STK3: variants seen among roughly 807,000 people sequenced by gnomAD.
STK3 encodes serine/threonine-protein kinase 3.
Under a neutral mutation model 58.0 loss-of-function variants are expected in STK3, and 41 were observed. The observed-to-expected ratio is 0.71, with a 90% CI of 0.55 to 0.92. The LOEUF is 0.92. Among genes scored for constraint, STK3 ranks in the 40% least tolerant of loss-of-function variants. The pLI is 0.00. For missense variants in STK3, 479 were observed against 602.7 expected (o/e 0.79, Z 2.15); for synonymous variants, 170 against 191.0 (o/e 0.89, Z 0.91).
chr8:98,543,798 A>G (rs868116525), intron 9 of STK3, among the ~76,000 whole-genome samples: 1 of 152,130 alleles, frequency 6.6e-6, no homozygotes, highest in Non-Finnish European at 1.5e-5. Flanking sequence ...TGAGGGCCCA[A>G]ATGGGGGAGA....
At chr8:98,577,834 C>G (rs1297165536) in intron 8 of STK3, among the ~76,000 whole-genome samples, 1 of 151,986 alleles carries the variant, frequency 6.6e-6, no homozygotes, top group Non-Finnish European at 1.5e-5. Context: ...ATATTTAAAG[C>G]TGAGACTCAA....
chr8:98,413,733 AC>A, intron 3 of STK3: 1 of 818,872 alleles, frequency 1.2e-6, no homozygotes. Flanking sequence ...AAGAGTTGGC[AC>A]CTTGGTCAGG....
Position 98,428,346 on chromosome 8 carries a change from T to C in STK3, n.483+5781A>G. The C allele has an allele frequency of 6.2e-7, 1 of 1,614,140 alleles. No homozygotes were observed. Among genetic ancestry groups the C allele is most frequent in the African/African-American group, 1.3e-5 (1 of 75,030 alleles). On this transcript the variant is annotated intron_variant and non_coding_transcript_variant, in intron 3 of 3. Transcript: ENST00000517832. The surrounding 1 kb of genome is among the most constrained non-coding windows in gnomAD (Gnocchi z 6.7). Reference sequence around the variant, plus strand: ...CATTGACTCCTGCTGCAGCTACAGCTACCATGGCCGCAAAGTAGAGCCCGA... The same window carrying C: ...CATTGACTCCTGCTGCAGCTACAGCCACCATGGCCGCAAAGTAGAGCCCGA...
downstream of STK3, chr8:98,883,576 A>G (rs148210082): frequency 4.9e-4 from 322 of 654,908 alleles, 1 homozygote; most frequent in East Asian, 8.3e-3. Context: ...AGGACAATAA[A>G]CATCTAAAGG....
At chr8:98,799,532 AC>A (rs1833382731) in intron 1 of STK3, among the ~76,000 whole-genome samples, 1 of 152,172 alleles carries the variant, frequency 6.6e-6, no homozygotes, top group Admixed American at 6.5e-5. Flanking sequence ...GGTTCTGTCT[AC>A]CCAGCCAAGG....
the STK3 span, among the ~76,000 whole-genome samples, chr8:98,346,017 T>TG: frequency 1.3e-4 from 19 of 151,960 alleles, no homozygotes; most frequent in African/African-American, 4.6e-4. Context: ...GCATGGTGGG[T>TG]GCTCACACCT....
chr8:98,691,658 C>T (rs554169749), intron 6 of STK3, among the ~76,000 whole-genome samples: 18 of 152,098 alleles, frequency 1.2e-4, no homozygotes, highest in South Asian at 2.1e-4. Flanking sequence ...CAGCACCGGG[C>T]GCAGTGGCTC....
the STK3 span, among the ~76,000 whole-genome samples, chr8:98,359,454 C>T: frequency 4.9e-5 from 7 of 144,104 alleles, no homozygotes; most frequent in Non-Finnish European, 7.5e-5. Flanking sequence ...ACCGGGGAGG[C>T]GGAGGTTGCA....
chr8:98,785,606 A>G lies in STK3; in HGVS notation c.27-10787T>C, dbSNP rs902643998. On this transcript the variant is annotated intron_variant, in intron 1 of 10. Transcript: ENST00000419617. ...CAGACTACTGTACACTCCACAAATCAGCCCACTGCCTGAGGCAACGGAGAG... is the reference window on the plus strand; with the variant it reads ...CAGACTACTGTACACTCCACAAATCGGCCCACTGCCTGAGGCAACGGAGAG... Among the ~76,000 whole-genome samples, 5 of 152,160 alleles carry G rather than the reference A, an allele frequency of 3.3e-5. No individual in the cohort carries two copies. In the East Asian group the frequency reaches 9.6e-4, roughly 29 times the overall value.
At chr8:98,358,677 CAG>C in the STK3 span, among the ~76,000 whole-genome samples, 1 of 151,978 alleles carries the variant, frequency 6.6e-6, no homozygotes, top group African/African-American at 2.4e-5. Flanking sequence ...TGTGTTGACT[CAG>C]AGGAAAGGTA....
At chr8:98,890,329 T>A (rs928614495) in intron 1 of STK3, among the ~76,000 whole-genome samples, 1 of 152,216 alleles carries the variant, frequency 6.6e-6, no homozygotes, top group African/African-American at 2.4e-5. Flanking sequence ...GGAATTTTAC[T>A]CTCGCTTTCG....
intron 3 of STK3, among the ~76,000 whole-genome samples, chr8:98,766,095 G>A (rs757660354): frequency 9.9e-5 from 15 of 151,924 alleles, no homozygotes; most frequent in East Asian, 3.9e-4. Flanking sequence ...TTAACTCTTC[G>A]TCAGCATTCC....
chr8:98,784,034 T>A (rs1449382548), intron 1 of STK3, among the ~76,000 whole-genome samples: 1 of 152,190 alleles, frequency 6.6e-6, no homozygotes, highest in Non-Finnish European at 1.5e-5. Flanking sequence ...GACTCACTTT[T>A]CCACTGGAGA....
At chr8:98,707,105 C>T in intron 5 of STK3, 42 bp downstream of exon 5, 3 of 1,556,884 alleles carry the variant, frequency 1.9e-6, no homozygotes, top group Non-Finnish European at 2.6e-6. Context: ...CAAATCTGAA[C>T]AAATTAGCCA....
At chr8:98,855,925 G>C (rs1836652994) in intron 3 of STK3, among the ~76,000 whole-genome samples, 1 of 152,086 alleles carries the variant, frequency 6.6e-6, no homozygotes, top group African/African-American at 2.4e-5. Flanking sequence ...GGGAGGCCGA[G>C]GTGGGTGGAT....
chr8:98,439,962 C>T (rs1468780705), intron 1 of STK3, among the ~76,000 whole-genome samples: 1 of 152,196 alleles, frequency 6.6e-6, no homozygotes, highest in Non-Finnish European at 1.5e-5. Flanking sequence ...AACACGGCAC[C>T]TCTCTAGCCT....
Position 98,774,770 on chromosome 8 carries a change from C to T in STK3, c.76G>A (p.Val26Ile). Reference protein sequence around the residue: ...EDSLTKQPEEVFDVLEKLGEG... With the variant: ...EDSLTKQPEEIFDVLEKLGEG... Reference sequence around the variant, plus strand: ...CCAAGCTTCTCTAATACATCAAAAACTTCTTCAGGCTGCTTAGTCAAACTG... The same window carrying T: ...CCAAGCTTCTCTAATACATCAAAAATTTCTTCAGGCTGCTTAGTCAAACTG... Residue 26 changes from valine to isoleucine, a missense_variant, in exon 2 of 11, where the codon GTT becomes ATT. Transcript: ENST00000419617. 1 of 1,586,450 alleles carries T rather than the reference C, an allele frequency of 6.3e-7. No individual in the cohort carries two copies. Among genetic ancestry groups the T allele is most frequent in the Non-Finnish European group, 8.6e-7 (1 of 1,168,358 alleles).
chr8:98,500,345 A>T (rs1448966312), intron 10 of STK3, among the ~76,000 whole-genome samples: 1 of 152,150 alleles, frequency 6.6e-6, no homozygotes, highest in Non-Finnish European at 1.5e-5. Context: ...CAGCCTGGCC[A>T]ACTTGGTGAA....
intron 1 of STK3, among the ~76,000 whole-genome samples, chr8:98,801,665 C>A (rs1833557337): frequency 6.6e-6 from 1 of 152,152 alleles, no homozygotes; most frequent in South Asian, 2.1e-4. Context: ...CGTGTCCGAA[C>A]ATCAGAGGGA....
Sources: allele counts gnomAD v4.1 joint callset (sites outside exome capture counted in the v4.1 genomes callset), GRCh38; gene constraint gnomAD v4.1.1; non-coding constraint Gnocchi (gnomAD v3.1); transcripts MANE v1.5; gene names NCBI Gene and HGNC (gene_info 2026-07-23, HGNC 2026-07-21).